The following RPS6KA2 variants were observed in gnomAD, a reference collection of about 807,000 sequenced individuals.
The protein encoded by RPS6KA2 is ribosomal protein S6 kinase alpha-2.
Under a neutral mutation model 91.8 loss-of-function variants are expected in RPS6KA2, and 42 were observed. That is an observed-to-expected ratio of 0.46 (90% CI 0.36 to 0.59). The LOEUF is 0.59. Ranked by LOEUF, RPS6KA2 falls within the 20% of genes least tolerant of loss-of-function variation. RPS6KA2 has a pLI of 0.00. For missense variants in RPS6KA2, 798 were observed against 978.5 expected (o/e 0.82, Z 2.46); for synonymous variants, 414 against 393.6 (o/e 1.05, Z -0.61).
At chr6:166,691,981 G>T (rs1413606111) in intron 2 of RPS6KA2, among the ~76,000 whole-genome samples, 1 of 152,156 alleles carries the variant, frequency 6.6e-6, no homozygotes, top group African/African-American at 2.4e-5. Context: ...CGTGTCCCAG[G>T]AGCAGTCACC....
intron 3 of RPS6KA2, among the ~76,000 whole-genome samples, chr6:166,530,885 G>A (rs1402860337): frequency 5.3e-5 from 8 of 152,214 alleles, no homozygotes; most frequent in African/African-American, 1.9e-4. Flanking sequence ...GAGTGAGGCC[G>A]TCGGCCTGCC....
At chr6:166,561,770 G>GGAA (rs1008304168) in intron 1 of RPS6KA2, among the ~76,000 whole-genome samples, 156 of 152,174 alleles carry the variant, frequency 1.0e-3, no homozygotes, top group Middle Eastern at 3.4e-3. Flanking sequence ...AAGAAGAATT[G>GGAA]GAAGAAGAAG....
intron 1 of RPS6KA2, among the ~76,000 whole-genome samples, chr6:166,565,989 TAACCACTTTTCAGGA>T: frequency 6.6e-6 from 1 of 152,216 alleles, no homozygotes; most frequent in Non-Finnish European, 1.5e-5. Flanking sequence ...GTGGTTCTGA[TAACCACTTTTCAGGA>T]GAAGAGACAC....
chr6:166,687,880 C>T (rs1789074458), intron 2 of RPS6KA2, among the ~76,000 whole-genome samples: 2 of 152,296 alleles, frequency 1.3e-5, no homozygotes, highest in African/African-American at 2.4e-5. Context: ...TTCTAAGCCC[C>T]CTGCGGTAGG....
intron 10 of RPS6KA2, among the ~76,000 whole-genome samples, chr6:166,486,516 T>A (rs1165494169): frequency 6.6e-6 from 1 of 152,238 alleles, no homozygotes; most frequent in African/African-American, 2.4e-5. Flanking sequence ...TGGGTGACAG[T>A]TCCCCAGCCT....
chr6:166,454,030 T>C lies in RPS6KA2; in HGVS notation c.1076-2797A>G, dbSNP rs543710217. On this transcript the variant is annotated intron_variant, in intron 12 of 20. Coordinates refer to ENST00000265678, the MANE Select transcript of RPS6KA2 (RefSeq NM_021135.6). ...AATGTCTGCATGTGGATGTCGAGTG[T>C]GGTGGGATAGAGAATGGAGACGTGG... Among the ~76,000 whole-genome samples the C allele has an allele frequency of 3.3e-5, 5 of 152,202 alleles. No homozygotes were observed. The East Asian group carries it at 9.6e-4, about 29-fold the overall frequency.
At chr6:166,442,446 G>T (rs1583139928) in intron 14 of RPS6KA2, among the ~76,000 whole-genome samples, 1 of 152,238 alleles carries the variant, frequency 6.6e-6, no homozygotes, top group South Asian at 2.1e-4. Flanking sequence ...CTGAGTTTCT[G>T]TTCCCTCATG....
intron 2 of RPS6KA2, among the ~76,000 whole-genome samples, chr6:166,808,408 C>A (rs1401707002): frequency 1.3e-5 from 2 of 152,172 alleles, no homozygotes; most frequent in Admixed American, 1.3e-4. Flanking sequence ...GTGAGCTGTA[C>A]AATTGATTAT....
Position 166,415,264 on chromosome 6 carries a change from T to C in RPS6KA2, c.1939-1333A>G, listed in dbSNP as rs540968532. Among the ~76,000 whole-genome samples, 7 of 152,266 alleles carry C rather than the reference T, an allele frequency of 4.6e-5. No individual in the cohort carries two copies. The South Asian group carries it at 1.4e-3, about 32-fold the overall frequency. Reference sequence around the variant, plus strand: ...AACAAGTATCTCCTAGAAAAATGAGTGTTGTCATTTTCAGGTGTAAAAACA... The same window carrying C: ...AACAAGTATCTCCTAGAAAAATGAGCGTTGTCATTTTCAGGTGTAAAAACA... On this transcript the variant is annotated intron_variant, in intron 19 of 20. Coordinates refer to ENST00000265678, the MANE Select transcript of RPS6KA2 (RefSeq NM_021135.6).
chr6:166,589,601 C>G (rs565291551), intron 1 of RPS6KA2, among the ~76,000 whole-genome samples: 2 of 152,114 alleles, frequency 1.3e-5, no homozygotes, highest in African/African-American at 4.8e-5. Context: ...CTCATTAAGT[C>G]GCAGAAAATA....
At chr6:166,488,500 T>C (rs374793401) in intron 10 of RPS6KA2, among the ~76,000 whole-genome samples, 1 of 152,248 alleles carries the variant, frequency 6.6e-6, no homozygotes, top group African/African-American at 2.4e-5. Flanking sequence ...TAGAAGCAGC[T>C]TTTCAACGGT....
chr6:166,753,548 A>G (rs1480100684), intron 2 of RPS6KA2, among the ~76,000 whole-genome samples: 1 of 152,208 alleles, frequency 6.6e-6, no homozygotes, highest in Non-Finnish European at 1.5e-5. Flanking sequence ...TGCAAAAACA[A>G]ACACACACAG....
Position 166,639,901 on chromosome 6 carries a change from A to C in RPS6KA2, c.124-101117T>G, listed in dbSNP as rs1787374015. 6.6e-6 allele frequency among the ~76,000 whole-genome samples: 1 copy of C among 152,150 alleles called. No homozygotes were observed. Among genetic ancestry groups the C allele is most frequent in the South Asian group, 2.1e-4 (1 of 4,828 alleles). On this transcript the variant is annotated intron_variant, in intron 2 of 21. Transcript: ENST00000503859. The surrounding 1 kb of genome is among the most constrained non-coding windows in gnomAD (Gnocchi z 4.2). ...TCCCCTCTCTCTCCCACCAATGTTA[A>C]ACTACTTCAGAGAAGCAAGTGTCCG...
chr6:166,436,429 G>T (rs1004577413), intron 14 of RPS6KA2, among the ~76,000 whole-genome samples: 6 of 152,148 alleles, frequency 3.9e-5, no homozygotes, highest in African/African-American at 1.4e-4. Context: ...TGGCCGGCCA[G>T]CAAGGCACAG....
Position 166,435,762 on chromosome 6 carries a change from G to A in RPS6KA2, c.1333-3272C>T, listed in dbSNP as rs1384869899. 6.6e-6 allele frequency among the ~76,000 whole-genome samples: 1 copy of A among 152,274 alleles called. No individual in the cohort carries two copies. The highest frequency in any genetic ancestry group is 2.4e-5 in the African/African-American group (1 of 41,476). On this transcript the variant is annotated intron_variant, in intron 14 of 20. Coordinates refer to ENST00000265678, the MANE Select transcript of RPS6KA2 (RefSeq NM_021135.6). The surrounding 1 kb of genome is among the most constrained non-coding windows in gnomAD (Gnocchi z 4.3). ...CGACAACACTGCTGTGGGTGTGGGT[G>A]GCTTGGCCTGTGGCCATGTCACTTG... is the stretch of plus-strand genomic sequence containing the variant.
Position 166,418,158 on chromosome 6 carries a change from T to C in RPS6KA2, c.1938+67A>G. 1 of 1,063,972 alleles carries C rather than the reference T, an allele frequency of 9.4e-7. No homozygotes were observed. The highest frequency in any genetic ancestry group is 1.4e-6 in the Non-Finnish European group (1 of 701,018). The allele number at this position is 1,063,972 out of a possible 1,614,324, so 65.9% of individuals were successfully genotyped here. A position where few individuals can be genotyped will look rare whatever the true frequency, so the allele number is the denominator to read the frequency against. ...CTTACATAAAACCTATCCCCTGGCT[T>C]CCTCAGAAATCATATGGCTATTTCA... On this transcript the variant is annotated intron_variant, in intron 19 of 20. Coordinates refer to ENST00000265678, the MANE Select transcript of RPS6KA2 (RefSeq NM_021135.6). This position sits in a 1 kb window ranked among gnomAD's most constrained non-coding sequence, Gnocchi z 4.9.
chr6:166,598,527 G>T (rs1300649130), intron 1 of RPS6KA2, among the ~76,000 whole-genome samples: 1 of 152,180 alleles, frequency 6.6e-6, no homozygotes, highest in Non-Finnish European at 1.5e-5. Flanking sequence ...GGATGGAGAA[G>T]TTGGAATCAG....
chr6:166,414,474 A>G (rs1326523424), intron 19 of RPS6KA2, among the ~76,000 whole-genome samples: 3 of 152,204 alleles, frequency 2.0e-5, no homozygotes, highest in African/African-American at 7.2e-5. Flanking sequence ...AAAACCTCTA[A>G]AACAAGATTC....
chr6:166,793,613 G>C (rs1779151497), intron 2 of RPS6KA2, among the ~76,000 whole-genome samples: 1 of 151,514 alleles, frequency 6.6e-6, no homozygotes, highest in Non-Finnish European at 1.5e-5. Context: ...ATACTACAAG[G>C]CTACAGTAAC....
Sources: gnomAD v4.1 joint callset for allele counts (sites outside exome capture counted in the v4.1 genomes callset) on GRCh38, gnomAD v4.1.1 for gene constraint, Gnocchi (gnomAD v3.1) non-coding constraint, MANE v1.5 for transcripts, NCBI Gene and HGNC (gene_info 2026-07-23, HGNC 2026-07-21) for gene names.